The following DMD variants were observed in gnomAD, a reference collection of about 807,000 sequenced individuals.
The protein encoded by DMD is mutant dystrophin.
In DMD, 63 loss-of-function variants were observed where a neutral mutation model predicts 330.1. The observed-to-expected ratio is 0.19, with a 90% CI of 0.16 to 0.24. The LOEUF (loss-of-function observed/expected upper bound fraction) is 0.24. Among genes scored for constraint, DMD ranks in the 10% least tolerant of loss-of-function variants. DMD has a pLI of 1.00. For missense variants in DMD, 3,344 were observed against 2,684.1 expected, an observed-to-expected ratio of 1.25 and a Z score of -5.43; for synonymous variants, 1,223 against 959.8, an observed-to-expected ratio of 1.27 and a Z score of -5.07.
chrX:32,792,175 C>T (rs755060802), intron 7 of DMD, among the ~76,000 whole-genome samples: 115 of 111,409 alleles, frequency 1.0e-3, no homozygotes, highest in Non-Finnish European at 2.0e-3. Context: ...TAAAATAGTT[C>T]CTAGACGAGT....
intron 53 of DMD, among the ~76,000 whole-genome samples, chrX:31,660,001 C>T (rs961279134): frequency 4.5e-5 from 5 of 111,813 alleles, no homozygotes; most frequent in African/African-American, 1.6e-4. Context: ...TGGTGAACTC[C>T]TATTGAACAT....
chrX:31,756,826 G>A (rs1340699327), intron 51 of DMD, among the ~76,000 whole-genome samples: 2 of 111,881 alleles, frequency 1.8e-5, no homozygotes, highest in Non-Finnish European at 3.8e-5. Flanking sequence ...TGATGGTTGG[G>A]CAACAATGCT....
chrX:31,887,971 G>A (rs1417773015), intron 47 of DMD, among the ~76,000 whole-genome samples: 2 of 112,118 alleles, frequency 1.8e-5, no homozygotes, highest in African/African-American at 6.5e-5. Context: ...TGTACACTTT[G>A]AAAACGCTTA....
chrX:32,130,558 C>T (rs1338270254), intron 44 of DMD, among the ~76,000 whole-genome samples: 2 of 111,057 alleles, frequency 1.8e-5, no homozygotes, highest in Non-Finnish European at 3.8e-5. Flanking sequence ...CTCTTTACAA[C>T]GTCCCGGAAG....
At chrX:33,051,644 C>CTTTTTTTTTTTTTTTTTTT (rs1569551755) in intron 1 of DMD, among the ~76,000 whole-genome samples, 11 of 80,675 alleles carry the variant, frequency 1.4e-4, no homozygotes, top group African/African-American at 6.7e-4. Flanking sequence ...TAATTACGCT[C>CTTTTTTTTTTTTTTTTTTT]TATTTTTTTT....
chrX:32,946,173 CTTA>C (rs1196376682), intron 2 of DMD, among the ~76,000 whole-genome samples: 2 of 111,148 alleles, frequency 1.8e-5, no homozygotes, highest in African/African-American at 6.5e-5. Context: ...GTTTAGTTCT[CTTA>C]TTTTCCCTTT....
At chrX:31,939,075 C>T (rs1377549791) in intron 45 of DMD, among the ~76,000 whole-genome samples, 1 of 111,613 alleles carries the variant, frequency 9.0e-6, no homozygotes, top group East Asian at 2.8e-4. Flanking sequence ...AATAAATGAC[C>T]ATCTTGTAAT....
At position 33,078,580 on chromosome X, in the gene DMD, C is replaced by T. The variant is rs183225557; in HGVS notation, c.32-58380G>A. Among the ~76,000 whole-genome samples, 905 of 111,954 alleles carry T rather than the reference C, an allele frequency of 8.1e-3. 10 individuals carry two copies. Among genetic ancestry groups the T allele is most frequent in the African/African-American group, 0.028 (877 of 30,843 alleles). On this transcript the variant is annotated intron_variant, in intron 1 of 78. Coordinates refer to ENST00000357033, the MANE Select transcript of DMD (RefSeq NM_004006.3). ...ACAAAAGGATTAGCAATGTTTAACA[C>T]ATCAGTTTGCCACATTTAGATGTTT...
chrX:31,468,416 C>T (rs1348571200), intron 59 of DMD, among the ~76,000 whole-genome samples: 1 of 112,120 alleles, frequency 8.9e-6, no homozygotes. Flanking sequence ...GCCTTAATTT[C>T]CTTATTTATC....
chrX:32,380,022 C>G lies in DMD; in HGVS notation c.4845+488G>C, dbSNP rs1201621577. On this transcript the variant is annotated intron_variant, in intron 34 of 78. Transcript: ENST00000357033. The stretch of plus-strand genomic sequence containing the variant: ...GCAAGAATTTAACGGCTAATGATTA[C>G]AGGAGTCGCTGTGTCATTTGGTGAT... Among the ~76,000 whole-genome samples, 5 of 111,403 alleles carry G rather than the reference C, an allele frequency of 4.5e-5. No homozygotes were observed. The East Asian group carries it at 1.4e-3, about 32-fold the overall frequency.
chrX:31,254,566 CGTTGCCCAGGCTG>C (rs2049733812), intron 63 of DMD, among the ~76,000 whole-genome samples: 1 of 110,667 alleles, frequency 9.0e-6, no homozygotes, highest in Admixed American at 9.6e-5. Context: ...GGTTTCACCA[CGTTGCCCAGGCTG>C]GTCTTGAACT....
intron 7 of DMD, among the ~76,000 whole-genome samples, chrX:32,787,212 A>ATGTG (rs2075426677): frequency 1.8e-5 from 1 of 55,592 alleles, no homozygotes; most frequent in Admixed American, 2.4e-4. Flanking sequence ...TCTCTCTGTC[A>ATGTG]AGTGTGTGTG....
At chrX:32,186,301 T>C (rs1356869357) in intron 44 of DMD, among the ~76,000 whole-genome samples, 1 of 111,446 alleles carries the variant, frequency 9.0e-6, no homozygotes, top group African/African-American at 3.3e-5. Context: ...TCTTAATGCA[T>C]TTGTCCTGTC....
chrX:31,444,278 T>C (rs954991475), intron 60 of DMD, among the ~76,000 whole-genome samples: 2 of 111,413 alleles, frequency 1.8e-5, no homozygotes, highest in African/African-American at 3.3e-5. Flanking sequence ...CTAAGACATA[T>C]ACTAAGTCTT....
intron 60 of DMD, among the ~76,000 whole-genome samples, chrX:31,427,801 T>C (rs2063797525): frequency 9.0e-6 from 1 of 111,576 alleles, no homozygotes; most frequent in Admixed American, 9.5e-5. Flanking sequence ...TAACCATTTC[T>C]GGGGCTACAT....
rs567310969 is a variant in DMD, at chrX:32,416,076, G to C, written c.4072-4163C>G. Reference sequence around the variant, plus strand: ...ATAAATCAAAGTGTAGCATGTCTAAGAAACTCTGGAAGAGAAAACTCTGCA... The same window carrying C: ...ATAAATCAAAGTGTAGCATGTCTAACAAACTCTGGAAGAGAAAACTCTGCA... On this transcript the variant is annotated intron_variant, in intron 29 of 78. Coordinates refer to ENST00000357033, the MANE Select transcript of DMD (RefSeq NM_004006.3). Among the ~76,000 whole-genome samples the C allele has an allele frequency of 2.9e-4, 32 of 111,514 alleles. No individual in the cohort carries two copies. The South Asian group carries it at 0.012, about 41-fold the overall frequency.
At chrX:31,212,358 G>C (rs1328463840) in intron 64 of DMD, among the ~76,000 whole-genome samples, 1 of 109,761 alleles carries the variant, frequency 9.1e-6, no homozygotes, top group Admixed American at 9.8e-5. Flanking sequence ...CTATGCATGA[G>C]GGCTGTGGGG....
chrX:32,030,554 T>C lies in DMD; in HGVS notation c.6439-62040A>G, dbSNP rs1166441314. 3.6e-5 allele frequency among the ~76,000 whole-genome samples: 4 copies of C among 112,144 alleles called. No individual in the cohort carries two copies. The East Asian group carries it at 1.1e-3, about 32-fold the overall frequency. On this transcript the variant is annotated intron_variant, in intron 44 of 78. Coordinates refer to ENST00000357033, the MANE Select transcript of DMD (RefSeq NM_004006.3). ...AGTCAAAAATTTCTGTCCATGTGAA[T>C]CTTACACTTCAAGTAATGGGGGATG...
chrX:33,006,175 T>C (rs1014332267), intron 2 of DMD, among the ~76,000 whole-genome samples: 3 of 111,837 alleles, frequency 2.7e-5, no homozygotes, highest in Admixed American at 9.6e-5. Context: ...TCTCCTCAAG[T>C]TGATCTACAG....
Sources: allele counts gnomAD v4.1 joint callset (sites outside exome capture counted in the v4.1 genomes callset), GRCh38; gene constraint gnomAD v4.1.1; transcripts MANE v1.5; gene names NCBI Gene and HGNC (gene_info 2026-07-23, HGNC 2026-07-21).